The following PCDH7 variants were observed in gnomAD, a reference collection of about 807,000 sequenced individuals.
PCDH7 encodes protocadherin 7.
Under a neutral mutation model 58.9 loss-of-function variants are expected in PCDH7, and 17 were observed. The observed-to-expected ratio is 0.29, with a 90% CI of 0.20 to 0.43. The LOEUF (loss-of-function observed/expected upper bound fraction) is 0.43. PCDH7 is among the 20% of genes least tolerant of loss of function. The pLI is 1.00. For synonymous variants in PCDH7, 664 were observed against 616.4 expected, an observed-to-expected ratio of 1.08 and a Z score of -1.14; for missense variants, 1,274 against 1,441.0, an observed-to-expected ratio of 0.88 and a Z score of 1.88.
chr4:30,824,081 TTC>T (rs1308977085), intron 1 of PCDH7, among the ~76,000 whole-genome samples: 2 of 10,666 alleles, frequency 1.9e-4, no homozygotes, highest in Admixed American at 1.2e-3. Context: ...GGGGTTTCTT[TTC>T]TTTCTTTCTT....
intron 1 of PCDH7, among the ~76,000 whole-genome samples, chr4:30,812,012 A>C (rs940126011): frequency 1.3e-5 from 2 of 152,234 alleles, no homozygotes; most frequent in African/African-American, 4.8e-5. Flanking sequence ...GAAAAGATTT[A>C]TCAGGTCAGT....
At chr4:30,949,806 TA>T (rs968740631) in intron 2 of PCDH7, among the ~76,000 whole-genome samples, 2 of 151,786 alleles carry the variant, frequency 1.3e-5, no homozygotes, top group Admixed American at 6.6e-5. Context: ...TTTTCTGTTG[TA>T]AAAAAAAGTT....
chr4:31,139,240 C>G (rs1479706574), intron 3 of PCDH7, among the ~76,000 whole-genome samples: 1 of 152,060 alleles, frequency 6.6e-6, no homozygotes, highest in Non-Finnish European at 1.5e-5. Context: ...ACAAAAAATT[C>G]TCTAAGGAAC....
At chr4:30,758,440 T>A (rs1237810723) in intron 1 of PCDH7, among the ~76,000 whole-genome samples, 1 of 152,224 alleles carries the variant, frequency 6.6e-6, no homozygotes, top group African/African-American at 2.4e-5. Flanking sequence ...CTTCATAGAA[T>A]TTAAAACATT....
At chr4:30,752,025 A>G (rs887633787) in intron 1 of PCDH7, among the ~76,000 whole-genome samples, 3 of 152,230 alleles carry the variant, frequency 2.0e-5, no homozygotes, top group African/African-American at 7.2e-5. Flanking sequence ...ATAAAAAACT[A>G]AAAGAGCATG....
chr4:30,749,372 G>A (rs1718198241), intron 1 of PCDH7, among the ~76,000 whole-genome samples: 1 of 152,054 alleles, frequency 6.6e-6, no homozygotes, highest in African/African-American at 2.4e-5. Context: ...AATTTCAATC[G>A]GTGCAAGTTT....
At chr4:30,891,674 G>T (rs1158005271) in intron 1 of PCDH7, among the ~76,000 whole-genome samples, 1 of 151,914 alleles carries the variant, frequency 6.6e-6, no homozygotes, top group East Asian at 1.9e-4. Context: ...TCATGGGAAG[G>T]GCAGGGAAAT....
chr4:30,903,768 G>C (rs1478730489), intron 1 of PCDH7, among the ~76,000 whole-genome samples: 1 of 152,110 alleles, frequency 6.6e-6, no homozygotes, highest in East Asian at 1.9e-4. Context: ...TCTGAAAAGA[G>C]AGAACCAAAA....
intron 1 of PCDH7, among the ~76,000 whole-genome samples, chr4:30,848,732 C>T (rs1158698812): frequency 2.0e-5 from 3 of 152,044 alleles, no homozygotes; most frequent in African/African-American, 7.2e-5. Context: ...TTTCCATTTA[C>T]AACTCTCCTC....
chr4:31,071,205 A>G (rs1023379736), intron 3 of PCDH7, among the ~76,000 whole-genome samples: 1 of 152,010 alleles, frequency 6.6e-6, no homozygotes, highest in East Asian at 1.9e-4. Context: ...TGGAGAAAAA[A>G]TATATAGAGG....
chr4:31,030,273 C>T (rs995800363), intron 3 of PCDH7, among the ~76,000 whole-genome samples: 3 of 152,106 alleles, frequency 2.0e-5, no homozygotes, highest in Admixed American at 6.6e-5. Context: ...TCCTTGTATC[C>T]TCAAATTGCT....
chr4:30,944,912 A>G (rs1157418944), intron 2 of PCDH7, among the ~76,000 whole-genome samples: 2 of 152,148 alleles, frequency 1.3e-5, no homozygotes, highest in African/African-American at 4.8e-5. Flanking sequence ...TGAGATTTTT[A>G]GGGAGCAGGC....
intron 3 of PCDH7, among the ~76,000 whole-genome samples, chr4:30,959,472 T>C (rs1748180515): frequency 1.3e-5 from 2 of 152,168 alleles, no homozygotes; most frequent in South Asian, 4.1e-4. Flanking sequence ...TAACCTCTTA[T>C]CACTGAGCAT....
chr4:30,884,101 C>A (rs993423288), intron 1 of PCDH7, among the ~76,000 whole-genome samples: 3 of 152,200 alleles, frequency 2.0e-5, no homozygotes, highest in African/African-American at 7.2e-5. Context: ...TCATTCAGAA[C>A]AAATTCTAAA....
At chr4:30,989,427 T>C (rs2109121271) in intron 3 of PCDH7, among the ~76,000 whole-genome samples, 1 of 152,318 alleles carries the variant, frequency 6.6e-6, no homozygotes, top group South Asian at 2.1e-4. Context: ...CGGCCACCTG[T>C]AGTGTGCCTG....
intron 3 of PCDH7, among the ~76,000 whole-genome samples, chr4:31,056,437 A>AGAAG (rs1224818952): frequency 2.4e-5 from 2 of 84,556 alleles, no homozygotes; most frequent in African/African-American, 1.8e-4. Context: ...AGAAAAAGAA[A>AGAAG]GAAGGAAAGA....
chr4:31,025,723 C>A (rs1754372207), intron 3 of PCDH7, among the ~76,000 whole-genome samples: 1 of 152,102 alleles, frequency 6.6e-6, no homozygotes, highest in African/African-American at 2.4e-5. Context: ...TATCAAGAAC[C>A]AGTTTCTCCA....
At chr4:30,930,543 A>G (rs1219367794) in intron 2 of PCDH7, among the ~76,000 whole-genome samples, 1 of 152,236 alleles carries the variant, frequency 6.6e-6, no homozygotes, top group Non-Finnish European at 1.5e-5. Context: ...GGCACCAGAT[A>G]AGTGACGTTA....
At chr4:30,947,290 G>GA (rs754616952) in intron 2 of PCDH7, among the ~76,000 whole-genome samples, 20 of 151,774 alleles carry the variant, frequency 1.3e-4, no homozygotes, top group South Asian at 4.2e-4. Context: ...GTCGTTTTGG[G>GA]AAAAAAAACT....
Sources: allele counts gnomAD v4.1 joint callset (sites outside exome capture counted in the v4.1 genomes callset), GRCh38; gene constraint gnomAD v4.1.1; transcripts MANE v1.5; gene names NCBI Gene and HGNC (gene_info 2026-07-23, HGNC 2026-07-21).